The following TENM1 variants were observed in gnomAD, a reference collection of about 807,000 sequenced individuals.
TENM1 encodes teneurin-1.
A neutral mutation model predicts 174.8 loss-of-function variants in TENM1; 35 were observed. The observed-to-expected ratio is 0.20, with a 90% CI of 0.15 to 0.27. The LOEUF (loss-of-function observed/expected upper bound fraction) is 0.27. Ranked by LOEUF, TENM1 falls within the 10% of genes least tolerant of loss-of-function variation. The pLI is 1.00. For missense variants in TENM1, 1,633 were observed against 2,130.1 expected, an observed-to-expected ratio of 0.77 and a Z score of 4.59; for synonymous variants, 781 against 798.7, an observed-to-expected ratio of 0.98 and a Z score of 0.37.
intron 3 of TENM1, among the ~76,000 whole-genome samples, chrX:124,777,165 T>G (rs910057318): frequency 9.0e-6 from 1 of 111,326 alleles, no homozygotes; most frequent in African/African-American, 3.3e-5. Context: ...ATAAGTAAAA[T>G]AAAATTAAAT....
chrX:125,029,350 T>C, the TENM1 span, among the ~76,000 whole-genome samples: 2 of 112,169 alleles, frequency 1.8e-5, no homozygotes, highest in Non-Finnish European at 3.8e-5. Context: ...ACCAGGTCTG[T>C]ATTACATCAA....
chrX:125,013,964 T>A, the TENM1 span, among the ~76,000 whole-genome samples: 1 of 111,953 alleles, frequency 8.9e-6, no homozygotes, highest in Admixed American at 9.5e-5. Flanking sequence ...TAAGCAGAAT[T>A]AACACATCTA....
chrX:124,953,339 T>G (rs1039010125), intron 1 of TENM1, among the ~76,000 whole-genome samples: 1 of 112,113 alleles, frequency 8.9e-6, no homozygotes, highest in African/African-American at 3.2e-5. Flanking sequence ...TGTCATCTAC[T>G]GAATCAAATC....
chrX:124,616,822 T>C (rs751170861), intron 11 of TENM1, among the ~76,000 whole-genome samples: 1 of 111,631 alleles, frequency 9.0e-6, no homozygotes, highest in East Asian at 2.8e-4. Flanking sequence ...ATTGACTTCA[T>C]GTGAATGTAC....
rs930666294 is a variant in TENM1 at position 124,625,335 on chromosome X, GTAT to G, written c.2077+16453_2077+16455del. On this transcript the variant is annotated intron_variant, in intron 11 of 31. Coordinates refer to ENST00000422452, the Ensembl canonical transcript of TENM1. ...TAGTAAGAGCTCAATAAATGCAACA[GTAT>G]TATTATTATAATTACCATAATCATC... Among the ~76,000 whole-genome samples the G allele has an allele frequency of 2.7e-5, 3 of 111,205 alleles. No homozygotes were observed. In the Admixed American group the frequency reaches 2.9e-4, roughly 11 times the overall value.
intron 6 of TENM1, among the ~76,000 whole-genome samples, chrX:124,663,751 G>GTTTT (rs60541515): frequency 7.6e-4 from 71 of 93,930 alleles, no homozygotes; most frequent in African/African-American, 2.4e-3. Context: ...GTGTGTATTA[G>GTTTT]TTTTTTTTTT....
rs980264488 is a variant in TENM1 at position 124,529,755 on chromosome X, C to G, written c.2771+109G>C. 2.9e-6 allele frequency: 3 copies of G among 1,023,510 alleles called. No homozygotes were observed. In the African/African-American group the frequency reaches 5.8e-5, roughly 20 times the overall value. 84.3% of individuals were successfully genotyped at this position (1,023,510 alleles called of 1,213,427 possible). ...TCACCAATGACTTTTTGAGATATAA[C>G]TTGAAGAAAGATGGGTTTACCATCA... is the stretch of plus-strand genomic sequence containing the variant. On this transcript the variant is annotated intron_variant, in intron 16 of 31. Coordinates refer to ENST00000422452, the Ensembl canonical transcript of TENM1.
intron 23 of TENM1, among the ~76,000 whole-genome samples, chrX:124,431,544 G>A (rs1476118356): frequency 8.9e-6 from 1 of 112,021 alleles, no homozygotes; most frequent in Non-Finnish European, 1.9e-5. Flanking sequence ...CAGATTGTTA[G>A]CATCACTTTT....
intron 3 of TENM1, among the ~76,000 whole-genome samples, chrX:124,857,842 T>C (rs1407714205): frequency 1.8e-5 from 2 of 110,385 alleles, no homozygotes; most frequent in African/African-American, 6.6e-5. Context: ...TAGTAACTGA[T>C]ATACATACTA....
chrX:125,151,566 T>C, the TENM1 span, among the ~76,000 whole-genome samples: 4 of 112,387 alleles, frequency 3.6e-5, no homozygotes, highest in Non-Finnish European at 7.5e-5. Context: ...AGGTTATGAG[T>C]ATAGTACATA....
At chrX:125,159,917 A>G in the TENM1 span, among the ~76,000 whole-genome samples, 1 of 111,741 alleles carries the variant, frequency 8.9e-6, no homozygotes, top group African/African-American at 3.3e-5. Context: ...AAGAAATTGG[A>G]GGCAGGGCAT....
chrX:124,436,754 G>A (rs2060842304), intron 23 of TENM1, among the ~76,000 whole-genome samples: 2 of 110,281 alleles, frequency 1.8e-5, no homozygotes, highest in Admixed American at 1.9e-4. Context: ...CAACTTTCTA[G>A]GTTCTGACAA....
chrX:124,468,501 G>A (rs2061265687), intron 22 of TENM1, among the ~76,000 whole-genome samples: 1 of 112,482 alleles, frequency 8.9e-6, no homozygotes, highest in Admixed American at 9.4e-5. Context: ...TTCTTAAAAA[G>A]GAAATGATAT....
At chrX:124,626,374 G>A (rs1345184717) in intron 11 of TENM1, among the ~76,000 whole-genome samples, 1 of 110,982 alleles carries the variant, frequency 9.0e-6, no homozygotes, top group Admixed American at 9.6e-5. Context: ...GTTCTCATAC[G>A]ATCTTGTTTT....
exon 17 of TENM1, chrX:124,523,607 G>A (rs1398414851): frequency 3.3e-6 from 4 of 1,211,240 alleles, no homozygotes; most frequent in Middle Eastern, 2.3e-4. Flanking sequence ...AGATGCCACC[G>A]ATGGCCACGA....
At chrX:125,158,963 TAAAG>T in the TENM1 span, among the ~76,000 whole-genome samples, 22 of 110,617 alleles carry the variant, frequency 2.0e-4, no homozygotes, top group Non-Finnish European at 3.4e-4. Context: ...AGTGCTTACT[TAAAG>T]AAGGTTAGAG....
chrX:124,858,211 C>T (rs2056848242), intron 3 of TENM1, among the ~76,000 whole-genome samples: 1 of 112,457 alleles, frequency 8.9e-6, no homozygotes, highest in Admixed American at 9.4e-5. Context: ...AATTCTAATA[C>T]ATGCTAACAG....
At chrX:124,986,620 G>A in the TENM1 span, among the ~76,000 whole-genome samples, 1 of 111,606 alleles carries the variant, frequency 9.0e-6, no homozygotes. Flanking sequence ...TCTCTCAGAA[G>A]TAGGACTTCT....
chrX:124,377,173 T>C (rs981476754), exon 32 of TENM1: 1 of 110,748 alleles, frequency 9.0e-6, no homozygotes, highest in East Asian at 2.8e-4. Context: ...CATGATGGAA[T>C]GCTTGAAACT....
Sources: gnomAD v4.1 joint callset for allele counts (sites outside exome capture counted in the v4.1 genomes callset) on GRCh38, gnomAD v4.1.1 for gene constraint, MANE v1.5 for transcripts, NCBI Gene and HGNC (gene_info 2026-07-23, HGNC 2026-07-21) for gene names.